The following NKAIN3 variants were observed in gnomAD, a reference collection of about 807,000 sequenced individuals.
NKAIN3 encodes sodium/potassium-transporting ATPase subunit beta-1-interacting protein 3.
NKAIN3 carries 25 observed loss-of-function variants against 30.2 expected under a neutral mutation model. That is an observed-to-expected ratio of 0.83 (90% CI 0.60 to 1.16). The LOEUF is 1.16. NKAIN3 is among the 50% of genes most tolerant of loss of function. The probability of loss-of-function intolerance (pLI) is 0.00; values close to 1 mark genes in which losing one functional copy is unlikely to be tolerated. For missense variants in NKAIN3, 225 were observed against 254.1 expected (o/e 0.89, Z 0.78); for synonymous variants, 91 against 89.6 (o/e 1.02, Z -0.09).
chr8:62,430,457 A>G (rs1034025694), intron 1 of NKAIN3, among the ~76,000 whole-genome samples: 2 of 151,082 alleles, frequency 1.3e-5, no homozygotes, highest in African/African-American at 4.9e-5. Context: ...ATATGTATCC[A>G]GAAGTGGAAT....
chr8:62,318,628 A>G (rs1262071354), intron 1 of NKAIN3, among the ~76,000 whole-genome samples: 4 of 152,064 alleles, frequency 2.6e-5, no homozygotes, highest in East Asian at 1.9e-4. Flanking sequence ...TATATGCTGT[A>G]TTACGTTTAT....
chr8:62,540,735 T>C (rs1296477356), intron 1 of NKAIN3, among the ~76,000 whole-genome samples: 3 of 152,056 alleles, frequency 2.0e-5, no homozygotes, highest in Non-Finnish European at 4.4e-5. Flanking sequence ...TGTGTGTGTG[T>C]TGTCTTTTTT....
chr8:62,802,165 G>A (rs1207939635), intron 4 of NKAIN3, among the ~76,000 whole-genome samples: 1 of 152,198 alleles, frequency 6.6e-6, no homozygotes, highest in Non-Finnish European at 1.5e-5. Flanking sequence ...AAAGTGACAG[G>A]GAGAATGGAA....
At chr8:62,740,284 ACT>A (rs1217339982) in intron 3 of NKAIN3, among the ~76,000 whole-genome samples, 2 of 152,154 alleles carry the variant, frequency 1.3e-5, no homozygotes, top group Non-Finnish European at 2.9e-5. Flanking sequence ...ATCAAAGCAC[ACT>A]CTGTAAAATT....
At chr8:62,562,672 G>A (rs553801866) in intron 1 of NKAIN3, among the ~76,000 whole-genome samples, 9 of 152,190 alleles carry the variant, frequency 5.9e-5, no homozygotes, top group Middle Eastern at 3.4e-3. Context: ...TGTTACTTAA[G>A]CGTTTCTTGT....
At chr8:62,501,488 G>A (rs927895803) in intron 1 of NKAIN3, among the ~76,000 whole-genome samples, 8 of 152,064 alleles carry the variant, frequency 5.3e-5, no homozygotes, top group African/African-American at 1.7e-4. Flanking sequence ...ATTTTCTCAT[G>A]TCTTTCTGGT....
chr8:62,645,910 A>G (rs1812445619), intron 3 of NKAIN3, among the ~76,000 whole-genome samples: 1 of 152,142 alleles, frequency 6.6e-6, no homozygotes, highest in Non-Finnish European at 1.5e-5. Flanking sequence ...TGTTCTGGTT[A>G]ATTTAGGTAC....
At chr8:62,898,170 C>T (rs1821493245) in intron 4 of NKAIN3, among the ~76,000 whole-genome samples, 1 of 151,936 alleles carries the variant, frequency 6.6e-6, no homozygotes. Context: ...AGTTCTGGGG[C>T]TTTTCCAAAG....
chr8:62,705,417 G>T (rs1282167169), intron 3 of NKAIN3, among the ~76,000 whole-genome samples: 2 of 152,168 alleles, frequency 1.3e-5, no homozygotes, highest in African/African-American at 4.8e-5. Flanking sequence ...CCTAGCAATT[G>T]GCGCAGTCCG....
chr8:62,602,888 C>G (rs556386629), intron 3 of NKAIN3, among the ~76,000 whole-genome samples: 26 of 152,044 alleles, frequency 1.7e-4, no homozygotes, highest in Non-Finnish European at 3.5e-4. Context: ...AATTTGTTAA[C>G]ATTTCAGAAC....
intron 1 of NKAIN3, among the ~76,000 whole-genome samples, chr8:62,317,126 G>GT (rs1309884475): frequency 5.8e-4 from 88 of 152,008 alleles, no homozygotes; most frequent in Admixed American, 9.2e-4. Flanking sequence ...TGGGTTGTTT[G>GT]TTTTTTCTTG....
chr8:62,460,452 G>T (rs184503289), intron 1 of NKAIN3, among the ~76,000 whole-genome samples: 88 of 150,856 alleles, frequency 5.8e-4, no homozygotes, highest in African/African-American at 2.1e-3. Flanking sequence ...AAAATGGTCA[G>T]AATAAACTTG....
Position 62,514,370 on chromosome 8 carries a change from A to G in NKAIN3, c.55-65169A>G, listed in dbSNP as rs925101511. ...CATACATGCTTTGGATGAAAATGCCATAAAATGGAAATGTGATATACCCTA... is the reference window on the plus strand; with the variant it reads ...CATACATGCTTTGGATGAAAATGCCGTAAAATGGAAATGTGATATACCCTA... On this transcript the variant is annotated intron_variant, in intron 1 of 6. Transcript: ENST00000623646. 6.6e-5 allele frequency among the ~76,000 whole-genome samples: 10 copies of G among 152,326 alleles called. 1 individual carries two copies. Among genetic ancestry groups the G allele is most frequent in the African/African-American group, 1.9e-4 (8 of 41,590 alleles).
chr8:62,595,609 G>C (rs1810801866), intron 3 of NKAIN3, among the ~76,000 whole-genome samples: 2 of 151,956 alleles, frequency 1.3e-5, no homozygotes, highest in Non-Finnish European at 2.9e-5. Flanking sequence ...TGAGCTCTCT[G>C]ATTGGTCGGG....
At chr8:62,674,458 G>A (rs1813408842) in intron 3 of NKAIN3, among the ~76,000 whole-genome samples, 2 of 152,266 alleles carry the variant, frequency 1.3e-5, no homozygotes, top group Admixed American at 1.3e-4. Context: ...GAAGCTCTTT[G>A]TGCCCAGAAC....
At chr8:62,859,997 C>G (rs373829714) in intron 4 of NKAIN3, among the ~76,000 whole-genome samples, 1 of 152,112 alleles carries the variant, frequency 6.6e-6, no homozygotes, top group East Asian at 1.9e-4. Context: ...AATTGTGGAG[C>G]CAGACTGTGT....
In NKAIN3 at chr8:62,528,173, G is replaced by GAT. The variant is rs140852236; in HGVS notation, c.55-51352_55-51351dup. 4.4e-3 allele frequency among the ~76,000 whole-genome samples: 654 copies of GAT among 146,982 alleles called. 1 individual carries two copies. The highest frequency in any genetic ancestry group is 0.014 in the African/African-American group (560 of 40,272). The stretch of plus-strand genomic sequence containing the variant: ...ATTCATGGTTTCTCTCTACTCTCCT[G>GAT]ATATATATATATATACTTGGACGTA... On this transcript the variant is annotated intron_variant, in intron 1 of 6. Transcript: ENST00000623646.
At chr8:62,457,413 G>A (rs952452161) in intron 1 of NKAIN3, among the ~76,000 whole-genome samples, 1 of 152,218 alleles carries the variant, frequency 6.6e-6, no homozygotes, top group African/African-American at 2.4e-5. Context: ...TGTTCACAGA[G>A]AGATGAGATA....
intron 5 of NKAIN3, among the ~76,000 whole-genome samples, chr8:62,922,731 C>T (rs1389603017): frequency 2.0e-5 from 3 of 151,218 alleles, no homozygotes; most frequent in Non-Finnish European, 2.9e-5. Context: ...TCTACTGATT[C>T]TCACAGTGCA....
Sources: allele counts gnomAD v4.1 joint callset (sites outside exome capture counted in the v4.1 genomes callset), GRCh38; gene constraint gnomAD v4.1.1; transcripts MANE v1.5; gene names NCBI Gene and HGNC (gene_info 2026-07-23, HGNC 2026-07-21).